FUT8: variants seen among roughly 807,000 people sequenced by gnomAD.
FUT8 encodes the protein fucosyltransferase 8.
Under a neutral mutation model 71.3 loss-of-function variants are expected in FUT8, and 29 were observed. That is an observed-to-expected ratio of 0.41 (90% CI 0.30 to 0.55). The LOEUF is 0.55. FUT8 is among the 20% of genes least tolerant of loss of function. FUT8 has a pLI of 0.34. For missense variants in FUT8, 544 were observed against 702.1 expected, an observed-to-expected ratio of 0.77 and a Z score of 2.55; for synonymous variants, 254 against 239.3, an observed-to-expected ratio of 1.06 and a Z score of -0.57.
chr14:65,401,753 T>A, the FUT8 span, among the ~76,000 whole-genome samples: 4 of 151,736 alleles, frequency 2.6e-5, no homozygotes, highest in African/African-American at 9.7e-5. Flanking sequence ...CAAAAAAATT[T>A]GTGGTGGTGT....
At chr14:65,491,052 C>T (rs1320216950) in intron 2 of FUT8, among the ~76,000 whole-genome samples, 2 of 152,064 alleles carry the variant, frequency 1.3e-5, no homozygotes, top group East Asian at 3.8e-4. Context: ...TGAAACTTGC[C>T]TGTATTTGCA....
At chr14:65,479,337 T>A (rs1220129109) in intron 2 of FUT8, among the ~76,000 whole-genome samples, 1 of 152,228 alleles carries the variant, frequency 6.6e-6, no homozygotes, top group Non-Finnish European at 1.5e-5. Flanking sequence ...ATTTTTTAGG[T>A]TGTTGATTCA....
At chr14:65,733,418 T>G in intron 10 of FUT8, 37 bp downstream of exon 10, 1 of 1,484,364 alleles carries the variant, frequency 6.7e-7, no homozygotes, top group Non-Finnish European at 9.1e-7. Flanking sequence ...TAACCAATAC[T>G]TTTTGGTTGT....
intron 6 of FUT8, among the ~76,000 whole-genome samples, chr14:65,642,846 T>C (rs1890905094): frequency 6.6e-6 from 1 of 152,228 alleles, no homozygotes; most frequent in Non-Finnish European, 1.5e-5. Context: ...TTTTTATATA[T>C]TGATCTTGCA....
chr14:65,670,069 A>G (rs1186163237), intron 7 of FUT8, among the ~76,000 whole-genome samples: 2 of 152,224 alleles, frequency 1.3e-5, no homozygotes, highest in African/African-American at 4.8e-5. Context: ...TATTCAGGAA[A>G]CATTTAATGA....
chr14:65,522,429 T>A (rs1331282179), intron 2 of FUT8, among the ~76,000 whole-genome samples: 1 of 152,184 alleles, frequency 6.6e-6, no homozygotes, highest in Non-Finnish European at 1.5e-5. Context: ...TCTATAAAAA[T>A]TTAATTCTTA....
chr14:65,641,695 T>C (rs1890842691), intron 6 of FUT8, among the ~76,000 whole-genome samples: 1 of 151,618 alleles, frequency 6.6e-6, no homozygotes, highest in Non-Finnish European at 1.5e-5. Flanking sequence ...TCTTTTAAAT[T>C]TTAGCTATTT....
chr14:65,628,750 A>G (rs1216418016), intron 5 of FUT8, among the ~76,000 whole-genome samples: 1 of 152,218 alleles, frequency 6.6e-6, no homozygotes, highest in African/African-American at 2.4e-5. Context: ...GAAATTACTG[A>G]TGCTACACAG....
At chr14:65,397,607 C>A in the FUT8 span, among the ~76,000 whole-genome samples, 1 of 152,116 alleles carries the variant, frequency 6.6e-6, no homozygotes, top group Non-Finnish European at 1.5e-5. This position sits in a 1 kb window ranked among gnomAD's most constrained non-coding sequence, Gnocchi z 4.2. Context: ...TGTGTCTGTG[C>A]GTGTGTGTGT....
At chr14:65,613,765 T>C (rs1286890384) in intron 3 of FUT8, among the ~76,000 whole-genome samples, 1 of 152,150 alleles carries the variant, frequency 6.6e-6, no homozygotes, top group Admixed American at 6.5e-5. Context: ...TCAGGTTATA[T>C]AGAAAATGTT....
the FUT8 span, among the ~76,000 whole-genome samples, chr14:65,395,308 C>A: frequency 6.6e-6 from 1 of 152,216 alleles, no homozygotes; most frequent in Non-Finnish European, 1.5e-5. Context: ...CTAGGCAGTG[C>A]CCCAGTTGGA....
At chr14:65,552,980 G>A (rs527421324) in intron 2 of FUT8, among the ~76,000 whole-genome samples, 77 of 152,186 alleles carry the variant, frequency 5.1e-4, no homozygotes, top group African/African-American at 1.6e-3. Flanking sequence ...CCCCCAGACA[G>A]GGTCTTGCTC....
At chr14:65,441,118 C>T (rs541106332) in intron 1 of FUT8, among the ~76,000 whole-genome samples, 8 of 152,110 alleles carry the variant, frequency 5.3e-5, no homozygotes, top group Middle Eastern at 3.4e-3. Context: ...ATTTAGATAA[C>T]TAGGAAGGGT....
upstream of FUT8, among the ~76,000 whole-genome samples, chr14:65,407,844 T>C (rs960248217): frequency 1.3e-5 from 2 of 152,216 alleles, no homozygotes; most frequent in Non-Finnish European, 2.9e-5. Context: ...GACTTCATTT[T>C]CAGGTTAGTT....
intron 7 of FUT8, among the ~76,000 whole-genome samples, chr14:65,673,467 C>T (rs985833301): frequency 3.3e-5 from 5 of 151,892 alleles, no homozygotes; most frequent in Non-Finnish European, 5.9e-5. Flanking sequence ...TTAAGACTAC[C>T]CTGAAGCAAA....
At chr14:65,510,705 T>G (rs926652462) in intron 2 of FUT8, among the ~76,000 whole-genome samples, 1 of 152,174 alleles carries the variant, frequency 6.6e-6, no homozygotes, top group Non-Finnish European at 1.5e-5. Context: ...TTTTCCAATT[T>G]ATTGGCATAT....
the FUT8 span, among the ~76,000 whole-genome samples, chr14:65,375,674 T>C: frequency 6.6e-6 from 1 of 152,066 alleles, no homozygotes. Flanking sequence ...CTTGGCCCCA[T>C]TTTACGGATG....
the FUT8 span, among the ~76,000 whole-genome samples, chr14:65,402,518 A>G: frequency 6.6e-6 from 1 of 151,782 alleles, no homozygotes; most frequent in Non-Finnish European, 1.5e-5. Context: ...AATACAAAAA[A>G]TTAGCTGGGC....
intron 3 of FUT8, among the ~76,000 whole-genome samples, chr14:65,601,596 G>A (rs1002346801): frequency 6.6e-6 from 1 of 151,966 alleles, no homozygotes; most frequent in African/African-American, 2.4e-5. Context: ...TGTTATTTTA[G>A]CAGCTGAACT....
Sources: gnomAD v4.1 joint callset for allele counts (sites outside exome capture counted in the v4.1 genomes callset) on GRCh38, gnomAD v4.1.1 for gene constraint, Gnocchi (gnomAD v3.1) non-coding constraint, MANE v1.5 for transcripts, NCBI Gene and HGNC (gene_info 2026-07-23, HGNC 2026-07-21) for gene names.